Variants in LYPD6 observed in about 807,000 individuals in gnomAD.
LYPD6 encodes the protein LY6/PLAUR domain containing 6, also known as ly6/PLAUR domain-containing protein 6.
LYPD6 carries 15 observed loss-of-function variants against 22.7 expected under a neutral mutation model. That is an observed-to-expected ratio of 0.66 (90% CI 0.44 to 1.02). The LOEUF is 1.02. Ranked by LOEUF, LYPD6 falls within the 50% of genes least tolerant of loss-of-function variation. The pLI is 0.00. For synonymous variants in LYPD6, 72 were observed against 77.5 expected, an observed-to-expected ratio of 0.93 and a Z score of 0.37; for missense variants, 189 against 208.4, an observed-to-expected ratio of 0.91 and a Z score of 0.57.
the LYPD6 span, among the ~76,000 whole-genome samples, chr2:149,480,748 G>C: frequency 6.6e-6 from 1 of 152,172 alleles, no homozygotes; most frequent in Non-Finnish European, 1.5e-5. Context: ...TGCCCCAGCA[G>C]CCCTCTGATA....
At chr2:149,384,817 G>A (rs990314048) in intron 1 of LYPD6, among the ~76,000 whole-genome samples, 1 of 151,960 alleles carries the variant, frequency 6.6e-6, no homozygotes, top group South Asian at 2.1e-4. Flanking sequence ...CCATGCTGGT[G>A]TGCTGCACCC....
At chr2:149,474,589 C>T (rs1456564585), downstream of LYPD6, among the ~76,000 whole-genome samples, 1 of 152,152 alleles carries the variant, frequency 6.6e-6, no homozygotes, top group Non-Finnish European at 1.5e-5. Context: ...TGGTCTGAAT[C>T]AGTGACACAG....
At chr2:149,432,861 A>G (rs1683348188) in intron 1 of LYPD6, among the ~76,000 whole-genome samples, 1 of 152,218 alleles carries the variant, frequency 6.6e-6, no homozygotes, top group South Asian at 2.1e-4. Context: ...TTTTGAGGTT[A>G]TGTTCATTGG....
At chr2:149,450,385 C>T (rs926046095) in intron 3 of LYPD6, among the ~76,000 whole-genome samples, 6 of 152,168 alleles carry the variant, frequency 3.9e-5, no homozygotes, top group African/African-American at 1.2e-4. Flanking sequence ...GAGATTAGGG[C>T]CCTGCATTGG....
chr2:149,381,503 G>A (rs960644270), intron 1 of LYPD6, among the ~76,000 whole-genome samples: 1 of 152,128 alleles, frequency 6.6e-6, no homozygotes, highest in African/African-American at 2.4e-5. Flanking sequence ...CCATGTGCCA[G>A]TTCTTTTCTG....
chr2:149,352,799 AT>A (rs751042592), intron 1 of LYPD6, among the ~76,000 whole-genome samples: 1 of 152,194 alleles, frequency 6.6e-6, no homozygotes, highest in Admixed American at 6.5e-5. Flanking sequence ...ATAGGATTGG[AT>A]TTAGAGATAT....
At chr2:149,478,509 C>T (rs544045980), downstream of LYPD6, among the ~76,000 whole-genome samples, 8 of 152,050 alleles carry the variant, frequency 5.3e-5, no homozygotes, top group East Asian at 5.8e-4. Context: ...CTGCAGCCTC[C>T]GATTCCTGGG....
intron 1 of LYPD6, among the ~76,000 whole-genome samples, chr2:149,402,099 C>A (rs1490612690): frequency 6.6e-6 from 1 of 151,854 alleles, no homozygotes. Context: ...TGTAACAAAC[C>A]TGCACGTTCT....
At chr2:149,437,502 A>ATC in intron 1 of LYPD6, 136 bp from the exon 2 acceptor site, 1 of 651,784 alleles carries the variant, frequency 1.5e-6, no homozygotes, top group Non-Finnish European at 2.6e-6. Context: ...TACTGTTGAT[A>ATC]AAGTTTCTCT....
intron 2 of LYPD6, among the ~76,000 whole-genome samples, chr2:149,446,529 A>C (rs1311008913): frequency 6.6e-6 from 1 of 152,212 alleles, no homozygotes; most frequent in Non-Finnish European, 1.5e-5. Context: ...ATTTGTTTAT[A>C]GTTTACAAAA....
chr2:149,400,001 G>T (rs562556629), intron 1 of LYPD6, among the ~76,000 whole-genome samples: 1 of 152,202 alleles, frequency 6.6e-6, no homozygotes, highest in Admixed American at 6.5e-5. Flanking sequence ...AAACCCTCCA[G>T]CTGACAACCC....
chr2:149,346,089 A>G (rs1349078121), intron 1 of LYPD6, among the ~76,000 whole-genome samples: 1 of 152,246 alleles, frequency 6.6e-6, no homozygotes, highest in Non-Finnish European at 1.5e-5. Context: ...TCTTGAATAA[A>G]TGAATAAATT....
Position 149,372,796 on chromosome 2 carries a change from T to C in LYPD6, c.-72+42074T>C, listed in dbSNP as rs766592708. Among the ~76,000 whole-genome samples, 4 of 152,206 alleles carry C rather than the reference T, an allele frequency of 2.6e-5. No individual in the cohort carries two copies. In the East Asian group the frequency reaches 7.7e-4, roughly 29 times the overall value. ...CTTTCTAGAATGCTGGAAGTGTTTA[T>C]AACTTGTTTCAGGTGTTGAGTTACA... On this transcript the variant is annotated intron_variant, in intron 1 of 4. Coordinates refer to ENST00000334166, the MANE Select transcript of LYPD6 (RefSeq NM_194317.5).
intron 1 of LYPD6, among the ~76,000 whole-genome samples, chr2:149,429,880 G>A (rs1683274342): frequency 6.6e-6 from 1 of 152,090 alleles, no homozygotes; most frequent in Admixed American, 6.5e-5. Flanking sequence ...CAGTCTCAAG[G>A]CACTTAGGCT....
Position 149,471,083 on chromosome 2 carries a change from C to G in LYPD6, c.*233C>G, listed in dbSNP as rs775691046. 5.0e-6 allele frequency: 2 copies of G among 397,058 alleles called. No homozygotes were observed. The highest frequency in any genetic ancestry group is 9.1e-6 in the Non-Finnish European group (2 of 220,184). 24.6% of individuals were successfully genotyped at this position (397,058 alleles called of 1,614,324 possible). A position where few individuals can be genotyped will look rare whatever the true frequency, so the allele number is the denominator to read the frequency against. On this transcript the variant is annotated 3_prime_UTR_variant, in exon 5 of 5. Coordinates refer to ENST00000334166, the MANE Select transcript of LYPD6 (RefSeq NM_194317.5). ...CTGTCAGTACAGCCCAAGTTCCATA[C>G]CATAAACGTTTGTTTTCATTCCAAG... is the stretch of plus-strand genomic sequence containing the variant.
At chr2:149,388,880 C>T (rs900274613) in intron 1 of LYPD6, among the ~76,000 whole-genome samples, 6 of 152,146 alleles carry the variant, frequency 3.9e-5, no homozygotes, top group Non-Finnish European at 8.8e-5. Flanking sequence ...AAGTTATCAA[C>T]AGCTTGGTAT....
intron 1 of LYPD6, among the ~76,000 whole-genome samples, chr2:149,363,629 G>A (rs962499002): frequency 3.3e-5 from 5 of 152,182 alleles, no homozygotes; most frequent in African/African-American, 1.2e-4. Context: ...GGGCAAGTCA[G>A]CTAACCTAGA....
the LYPD6 span, among the ~76,000 whole-genome samples, chr2:149,485,153 A>C: frequency 1.3e-5 from 2 of 152,168 alleles, no homozygotes; most frequent in Admixed American, 6.5e-5. Flanking sequence ...TAAGGGCCAG[A>C]GAGGAATGAA....
intron 1 of LYPD6, among the ~76,000 whole-genome samples, chr2:149,349,023 G>A (rs1406361524): frequency 6.6e-6 from 1 of 152,150 alleles, no homozygotes; most frequent in African/African-American, 2.4e-5. Flanking sequence ...GAAGGGTGGG[G>A]CTGTCATTTA....
Sources: gnomAD v4.1 joint callset for allele counts (sites outside exome capture counted in the v4.1 genomes callset) on GRCh38, gnomAD v4.1.1 for gene constraint, MANE v1.5 for transcripts, NCBI Gene and HGNC (gene_info 2026-07-23, HGNC 2026-07-21) for gene names.